ATP6V0D1: variants seen among roughly 807,000 people sequenced by gnomAD.
ATP6V0D1 encodes the protein ATPase H+ transporting V0 subunit d1, also known as V-type proton ATPase subunit d 1.
Under a neutral mutation model 39.0 loss-of-function variants are expected in ATP6V0D1, and 13 were observed. The observed-to-expected ratio is 0.33, with a 90% CI of 0.22 to 0.53. ATP6V0D1 has a LOEUF of 0.53. Ranked by LOEUF, ATP6V0D1 falls within the 20% of genes least tolerant of loss-of-function variation. ATP6V0D1 has a pLI of 0.94. For missense variants in ATP6V0D1, 272 were observed against 470.9 expected, an observed-to-expected ratio of 0.58 and a Z score of 3.91; for synonymous variants, 191 against 191.2, an observed-to-expected ratio of 1.00 and a Z score of 0.01.
chr16:67,457,706 G>A, intron 1 of ATP6V0D1: 1 of 1,194,442 alleles, frequency 8.4e-7, no homozygotes, highest in Non-Finnish European at 1.1e-6. Flanking sequence ...CAAGCAGAGG[G>A]CTCTCTTCTG....
chr16:67,448,659 C>CAAAA (rs34654965), intron 2 of ATP6V0D1, among the ~76,000 whole-genome samples: 1 of 49,486 alleles, frequency 2.0e-5, no homozygotes, highest in African/African-American at 6.0e-5. Context: ...GACTCCAGCT[C>CAAAA]AAAAAAAAAA....
At position 67,438,964 on chromosome 16, in the gene ATP6V0D1, C is replaced by T; in HGVS notation, c.816+7G>A. ...CCAACCGCTGTCCTGCCAGCCGGGG[C>T]ACTCACCGGGTAGTAATCGGCCACG... On this transcript the variant is annotated splice_region_variant and intron_variant, in intron 6 of 7. Transcript: ENST00000290949. The T allele has an allele frequency of 1.2e-6, 2 of 1,613,540 alleles. No homozygotes were observed. Among genetic ancestry groups the T allele is most frequent in the African/African-American group, 1.3e-5 (1 of 75,052 alleles).
intron 1 of ATP6V0D1, among the ~76,000 whole-genome samples, chr16:67,461,787 C>T (rs911504855): frequency 3.3e-5 from 5 of 152,194 alleles, no homozygotes; most frequent in Admixed American, 3.3e-4. Context: ...CACCGACCAT[C>T]AGCAACATCA....
At chr16:67,475,892 C>T (rs1158835979) in intron 1 of ATP6V0D1, among the ~76,000 whole-genome samples, 1 of 152,184 alleles carries the variant, frequency 6.6e-6, no homozygotes, top group Non-Finnish European at 1.5e-5. Context: ...GAAATGAAGA[C>T]TCTAGGTCTG....
chr16:67,444,458 C>T lies in ATP6V0D1; in HGVS notation c.481+70G>A. 1 of 1,500,184 alleles carries T rather than the reference C, an allele frequency of 6.7e-7. No homozygotes were observed. Among genetic ancestry groups the T allele is most frequent in the Non-Finnish European group, 9.0e-7 (1 of 1,115,976 alleles). 92.9% of individuals were successfully genotyped at this position (1,500,184 alleles called of 1,614,324 possible). On this transcript the variant is annotated intron_variant, in intron 3 of 7. Transcript: ENST00000290949. The surrounding 1 kb of genome is among the most constrained non-coding windows in gnomAD (Gnocchi z 4.8). Reference sequence around the variant, plus strand: ...GCTCAGGGTCGCCCCCCAGCGGGTCCACAAACCCCACCCTGATGCGCTGAT... The same window carrying T: ...GCTCAGGGTCGCCCCCCAGCGGGTCTACAAACCCCACCCTGATGCGCTGAT...
Position 67,480,937 on chromosome 16 carries a change from C to CT in ATP6V0D1, c.130+19dup. On this transcript the variant is annotated intron_variant, in intron 1 of 7. Transcript: ENST00000290949. ...GGCCCCGGACAGCCTCTATCCCCGCCTTTCGCGGCCCCGGCTCACCCTCTA... is the reference window on the plus strand; with the variant it reads ...GGCCCCGGACAGCCTCTATCCCCGCCTTTTCGCGGCCCCGGCTCACCCTCTA... 6.2e-7 allele frequency: 1 copy of CT among 1,613,376 alleles called. No individual in the cohort carries two copies. The highest frequency in any genetic ancestry group is 8.5e-7 in the Non-Finnish European group (1 of 1,179,490).
Position 67,453,414 on chromosome 16 carries a change from A to G in ATP6V0D1, c.302+130T>C, listed in dbSNP as rs953216006. The G allele has an allele frequency of 1.2e-5, 13 of 1,119,962 alleles. No homozygotes were observed. Among genetic ancestry groups the G allele is most frequent in the African/African-American group, 3.1e-5 (2 of 64,058 alleles). 69.4% of individuals were successfully genotyped at this position (1,119,962 alleles called of 1,614,324 possible). A position where few individuals can be genotyped will look rare whatever the true frequency, so the allele number is the denominator to read the frequency against. ...AGGGTCCTGGGACACCTGGCCTGACAGAGCTGCCATCAGCTCTGACAGCTG... is the reference window on the plus strand; with the variant it reads ...AGGGTCCTGGGACACCTGGCCTGACGGAGCTGCCATCAGCTCTGACAGCTG... On this transcript the variant is annotated intron_variant, in intron 2 of 7. Transcript: ENST00000290949. The surrounding 1 kb of genome is among the most constrained non-coding windows in gnomAD (Gnocchi z 4.1).
At position 67,438,951 on chromosome 16, in the gene ATP6V0D1, C is replaced by T; in HGVS notation, c.816+20G>A. ...GGTGACAACACATCCAACCGCTGTC[C>T]TGCCAGCCGGGGCACTCACCGGGTA... On this transcript the variant is annotated intron_variant, in intron 6 of 7. Coordinates refer to ENST00000290949, the MANE Select transcript of ATP6V0D1 (RefSeq NM_004691.5). The T allele has an allele frequency of 1.2e-6, 2 of 1,613,516 alleles. No homozygotes were observed. The highest frequency in any genetic ancestry group is 1.7e-6 in the Non-Finnish European group (2 of 1,179,770).
chr16:67,442,431 C>T (rs1188949925), intron 4 of ATP6V0D1, among the ~76,000 whole-genome samples: 2 of 152,074 alleles, frequency 1.3e-5, no homozygotes, highest in African/African-American at 4.8e-5. Flanking sequence ...CCAGACACCC[C>T]TAACCTAACT....
At chr16:67,455,954 T>C (rs16957447) in intron 1 of ATP6V0D1, 13 of 152,048 alleles carry the variant, frequency 8.5e-5, no homozygotes, top group African/African-American at 3.1e-4. Context: ...GGGTTTCATG[T>C]GCTAGATTTT....
chr16:67,461,680 G>C (rs1170239084), intron 1 of ATP6V0D1, among the ~76,000 whole-genome samples: 2 of 152,202 alleles, frequency 1.3e-5, no homozygotes, highest in Non-Finnish European at 2.9e-5. Flanking sequence ...CCTACATTTT[G>C]TTTCATGCTA....
intron 1 of ATP6V0D1, among the ~76,000 whole-genome samples, chr16:67,475,588 T>C (rs1183195736): frequency 1.3e-5 from 2 of 152,166 alleles, no homozygotes; most frequent in Non-Finnish European, 2.9e-5. Context: ...GAGTGTTAAT[T>C]ATATTTCTTT....
chr16:67,439,677 C>G, intron 4 of ATP6V0D1: 1 of 390,160 alleles, frequency 2.6e-6, no homozygotes. Context: ...CCCTGCTGCT[C>G]TGCCTTCCTT....
At chr16:67,443,281 C>T in intron 3 of ATP6V0D1, 103 bp from the exon 4 acceptor site, 2 of 1,222,916 alleles carry the variant, frequency 1.6e-6, no homozygotes, top group Non-Finnish European at 2.4e-6. Context: ...ACAAGGCCCA[C>T]AGGGCTGGGT....
At chr16:67,457,614 A>T in intron 1 of ATP6V0D1, 1 of 1,289,536 alleles carries the variant, frequency 7.8e-7, no homozygotes, top group Non-Finnish European at 1.0e-6. Context: ...TCACTCAGGG[A>T]CAAGTCCCTC....
At chr16:67,470,193 G>A (rs879413324) in intron 1 of ATP6V0D1, among the ~76,000 whole-genome samples, 4 of 152,026 alleles carry the variant, frequency 2.6e-5, no homozygotes, top group Non-Finnish European at 5.9e-5. Context: ...GTTAATCTAC[G>A]GGACACAATC....
chr16:67,472,274 T>C (rs539042157), intron 1 of ATP6V0D1, among the ~76,000 whole-genome samples: 1 of 152,320 alleles, frequency 6.6e-6, no homozygotes, highest in African/African-American at 2.4e-5. Context: ...AACTTCAGGC[T>C]TGTGTGGGGT....
intron 1 of ATP6V0D1, among the ~76,000 whole-genome samples, chr16:67,465,651 G>A (rs570917941): frequency 1.2e-4 from 18 of 152,210 alleles, no homozygotes; most frequent in Non-Finnish European, 2.1e-4. Context: ...ACGGTGTGGT[G>A]GGCAAGGCTG....
In ATP6V0D1 at chr16:67,453,690, A is replaced by G. The variant is rs755726783; in HGVS notation, c.156T>C (p.Thr52=). Reference sequence around the variant, plus strand: ...CGTTGGCCAGGAAGTTACCATAATCAGTGCTCTGCAGATGCAGTTTCAAGT... The same window carrying G: ...CGTTGGCCAGGAAGTTACCATAATCGGTGCTCTGCAGATGCAGTTTCAAGT... ...LEDLKLHLQS[T]DYGNFLANEA... is the part of the protein sequence containing the mutation. The change falls in exon 2 of 8, where the codon ACT becomes ACC. Residue 52 remains threonine (T), a synonymous_variant. Coordinates refer to ENST00000290949, the MANE Select transcript of ATP6V0D1 (RefSeq NM_004691.5). The surrounding 1 kb of genome is among the most constrained non-coding windows in gnomAD (Gnocchi z 4.1). The G allele has an allele frequency of 1.2e-6, 2 of 1,614,030 alleles. No individual in the cohort carries two copies. The highest frequency in any genetic ancestry group is 1.1e-5 in the South Asian group (1 of 91,074).
Sources: allele counts gnomAD v4.1 joint callset (sites outside exome capture counted in the v4.1 genomes callset), GRCh38; gene constraint gnomAD v4.1.1; non-coding constraint Gnocchi (gnomAD v3.1); transcripts MANE v1.5; gene names NCBI Gene and HGNC (gene_info 2026-07-23, HGNC 2026-07-21).